The following RNF103 variants were observed in gnomAD, a reference collection of about 807,000 sequenced individuals.
RNF103 encodes ring finger protein 103.
In RNF103, 23 loss-of-function variants were observed where a neutral mutation model predicts 66.2. That is an observed-to-expected ratio of 0.35 (90% CI 0.25 to 0.49). The LOEUF (loss-of-function observed/expected upper bound fraction) is 0.49, where lower values mean the gene tolerates loss of function less well. Ranked by LOEUF, RNF103 falls within the 20% of genes least tolerant of loss-of-function variation. The pLI is 0.98. For missense variants in RNF103, 730 were observed against 814.7 expected, an observed-to-expected ratio of 0.90 and a Z score of 1.27; for synonymous variants, 297 against 289.9, an observed-to-expected ratio of 1.02 and a Z score of -0.25.
intron 2 of RNF103, chr2:86,613,737 G>A (rs1422345753): frequency 6.6e-6 from 1 of 152,072 alleles, no homozygotes; most frequent in Non-Finnish European, 1.5e-5. Context: ...AATGTCAGAG[G>A]GCAGCAGAAG....
chr2:86,617,922 T>C, intron 2 of RNF103: 1 of 883,504 alleles, frequency 1.1e-6, no homozygotes, highest in Non-Finnish European at 1.6e-6. Context: ...AGATTGTTCT[T>C]TCAGACCAGG....
intron 2 of RNF103, chr2:86,614,216 G>A (rs1403927115): frequency 3.3e-5 from 5 of 152,170 alleles, no homozygotes; most frequent in Non-Finnish European, 5.9e-5. Flanking sequence ...GCACTTAATA[G>A]GTGAAAGCTC....
chr2:86,621,557 C>T (rs1020886627), intron 1 of RNF103, among the ~76,000 whole-genome samples: 1 of 152,148 alleles, frequency 6.6e-6, no homozygotes, highest in East Asian at 1.9e-4. Flanking sequence ...AGAGTGTGTT[C>T]CTCTCCTCTA....
chr2:86,603,907 G>A lies in RNF103; in HGVS notation c.1994C>T (p.Pro665Leu), dbSNP rs1180214911. 1.2e-6 allele frequency: 2 copies of A among 1,613,780 alleles called. No individual in the cohort carries two copies. The highest frequency in any genetic ancestry group is 1.7e-6 in the Non-Finnish European group (2 of 1,179,996). The change falls in exon 4 of 4, where the codon CCT becomes CTT. Residue 665 changes from proline (P) to leucine (L), a missense_variant. By Grantham distance (98) the Pro-to-Leu change is moderately conservative. Around this residue, in one of 3 missense-constraint regions of RNF103, gnomAD observed 355 missense variants for 351.9 expected, o/e 1.01. Transcript: ENST00000237455. ...GRHCCPVCRW[P>L]SYKKKQPYAQ... ...ATATGGCTGCTTTTTTTTATAAGAA[G>A]GCCACCGGCAAACAGGGCAACAATG...
At position 86,623,158 on chromosome 2, in the gene RNF103, A is replaced by C; in HGVS notation, c.-272T>G. ...CAAAAATAAAGGGGAAAAACTCAAA[A>C]CCCCCATCCATTAAGCACAGAAAGG... On this transcript the variant is annotated 5_prime_UTR_variant, in exon 1 of 4. Coordinates refer to ENST00000237455, the MANE Select transcript of RNF103 (RefSeq NM_005667.4). 2 of 1,115,864 alleles carry C rather than the reference A, an allele frequency of 1.8e-6. No individual in the cohort carries two copies. The highest frequency in any genetic ancestry group is 2.2e-6 in the Non-Finnish European group (2 of 915,868). 69.1% of individuals were successfully genotyped at this position (1,115,864 alleles called of 1,614,324 possible). A position where few individuals can be genotyped will look rare whatever the true frequency, so the allele number is the denominator to read the frequency against.
Position 86,605,395 on chromosome 2 carries a change from ACCCAG to A in RNF103, c.501_505del (p.Trp168ProfsTer21). 6.2e-7 allele frequency: 1 copy of A among 1,610,204 alleles called. No homozygotes were observed. The highest frequency in any genetic ancestry group is 2.2e-5 in the East Asian group (1 of 44,792). On this transcript the variant is annotated frameshift_variant, in exon 4 of 4. Coordinates refer to ENST00000237455, the MANE Select transcript of RNF103 (RefSeq NM_005667.4). LOFTEE classifies it high-confidence loss of function. ...AACAGACATAATGAGTGTGGATCGG[ACCCAG>A]CCTCTTCTCCTGCAATATCTACAAG...
Position 86,609,384 on chromosome 2 carries a change from A to ATT in RNF103, c.482+2773_482+2774dup, listed in dbSNP as rs112431636. On this transcript the variant is annotated intron_variant, in intron 3 of 3. Coordinates refer to ENST00000237455, the MANE Select transcript of RNF103 (RefSeq NM_005667.4). ...CTTCATAAATTACTCAGCCTCAGGT[A>ATT]TTTTTTTTTTTTTTTTTTGAGACAG... 9.0e-3 allele frequency among the ~76,000 whole-genome samples: 1,207 copies of ATT among 134,408 alleles called. 38 individuals carry two copies. The highest frequency in any genetic ancestry group is 0.031 in the African/African-American group (1,118 of 35,596). 88.2% of individuals were successfully genotyped at this position (134,408 alleles called of 152,430 possible).
chr2:86,620,566 T>C, intron 1 of RNF103, 97 bp from the exon 2 acceptor site: 2 of 1,333,794 alleles, frequency 1.5e-6, no homozygotes, highest in Non-Finnish European at 1.9e-6. Context: ...AATCATGATA[T>C]TGTACTTTCA....
chr2:86,623,396 C>G lies in RNF103; in HGVS notation c.-510G>C. 2 of 979,624 alleles carry G rather than the reference C, an allele frequency of 2.0e-6. No individual in the cohort carries two copies. Among genetic ancestry groups the G allele is most frequent in the Non-Finnish European group, 1.2e-6 (1 of 826,628 alleles). 60.7% of individuals were successfully genotyped at this position (979,624 alleles called of 1,614,324 possible). A position where few individuals can be genotyped will look rare whatever the true frequency, so the allele number is the denominator to read the frequency against. Reference sequence around the variant, plus strand: ...CGTGGGGGCCGGACTCCCGCGGCCGCGGGTCAGGAGGGCGCGGCGCTCGGC... The same window carrying G: ...CGTGGGGGCCGGACTCCCGCGGCCGGGGGTCAGGAGGGCGCGGCGCTCGGC... On this transcript the variant is annotated 5_prime_UTR_variant, in exon 1 of 4. Transcript: ENST00000237455.
intron 2 of RNF103, among the ~76,000 whole-genome samples, chr2:86,616,160 T>C (rs1241077795): frequency 6.6e-6 from 1 of 152,218 alleles, no homozygotes; most frequent in Admixed American, 6.5e-5. Flanking sequence ...CATTTTAAAA[T>C]GCCCATTATT....
chr2:86,617,760 T>C (rs1350708282), intron 2 of RNF103: 5 of 1,019,084 alleles, frequency 4.9e-6, no homozygotes, highest in Non-Finnish European at 4.7e-6. Flanking sequence ...CTTCTGTTTC[T>C]AGTAGATATT....
intron 1 of RNF103, among the ~76,000 whole-genome samples, chr2:86,620,761 T>C (rs1258995904): frequency 1.3e-5 from 2 of 152,188 alleles, no homozygotes; most frequent in African/African-American, 4.8e-5. Flanking sequence ...TATTAGGAAC[T>C]TACCAAATTT....
rs761701601 is a variant in RNF103 at position 86,604,609 on chromosome 2, A to G, written c.1292T>C (p.Ile431Thr). The change falls in exon 4 of 4, where the codon ATT becomes ACT. Residue 431 changes from isoleucine (I) to threonine (T), a missense_variant. Coordinates refer to ENST00000237455, the MANE Select transcript of RNF103 (RefSeq NM_005667.4). ...LSTYLGHGLL[I>T]DYFEKKRRRN... ...CCTTCTCTTCTTCTCAAAGTAATCAATTAGTAAACCATGACCAAGGTATGT... is the reference window on the plus strand; with the variant it reads ...CCTTCTCTTCTTCTCAAAGTAATCAGTTAGTAAACCATGACCAAGGTATGT... The G allele has an allele frequency of 2.3e-5, 37 of 1,614,080 alleles. No homozygotes were observed. The highest frequency in any genetic ancestry group is 2.8e-5 in the Non-Finnish European group (33 of 1,180,040).
intron 2 of RNF103, chr2:86,616,850 A>AC (rs1679043601): frequency 1.3e-5 from 13 of 985,374 alleles, no homozygotes; most frequent in Non-Finnish European, 1.6e-5. Context: ...AATCCATAAA[A>AC]CCCATAAATT....
Position 86,603,935 on chromosome 2 carries a change from G to A in RNF103, c.1966C>T (p.Arg656Ter). ...CACCGGCAAACAGGGCAACAATGTC[G>A]GCCCCCAGCCAACCACATCACAATG... ...NCIVMWLAGG[R>*]HCCPVCRWPS... Residue 656 changes from arginine to a stop codon, truncating the protein, a stop_gained, in exon 4 of 4, where the codon CGA (arginine) becomes TGA (stop). Coordinates refer to ENST00000237455, the MANE Select transcript of RNF103 (RefSeq NM_005667.4). LOFTEE classifies it high-confidence loss of function. The A allele has an allele frequency of 6.2e-6, 10 of 1,613,862 alleles. No individual in the cohort carries two copies. Among genetic ancestry groups the A allele is most frequent in the Admixed American group, 1.7e-5 (1 of 59,978 alleles).
In RNF103 at chr2:86,612,169, TG is replaced by T; in HGVS notation, c.471del (p.Ser158ValfsTer42). The T allele has an allele frequency of 6.2e-7, 1 of 1,608,308 alleles. No individual in the cohort carries two copies. The highest frequency in any genetic ancestry group is 8.5e-7 in the Non-Finnish European group (1 of 1,177,364). On this transcript the variant is annotated frameshift_variant, in exon 3 of 4. Transcript: ENST00000237455. LOFTEE classifies it high-confidence loss of function. ...GCCTAATCAACTTACCTGGGATCAC[TG>T]GAACAGTTAAATGTGCCTGTACGTA... is the stretch of plus-strand genomic sequence containing the variant. ...FGIRTGTFNC[S>X]SDPRYCRRRG...
intron 2 of RNF103, chr2:86,614,593 A>T: frequency 4.9e-6 from 1 of 203,870 alleles, no homozygotes; most frequent in Non-Finnish European, 8.4e-6. Flanking sequence ...ACAGAGCAAG[A>T]CTCCATCTCA....
Position 86,622,850 on chromosome 2 carries a change from G to A in RNF103, c.37C>T (p.Leu13=). Residue 13 remains leucine, a synonymous_variant, in exon 1 of 4, where the codon CTG becomes TTG. Coordinates refer to ENST00000237455, the MANE Select transcript of RNF103 (RefSeq NM_005667.4). ...AACCTGGCCAGGACGAACAGGACCAGGAAATAGAGGAGCAAGAAAAAAAGC... is the reference window on the plus strand; with the variant it reads ...AACCTGGCCAGGACGAACAGGACCAAGAAATAGAGGAGCAAGAAAAAAAGC... ...LKLFFLLLYF[L]VLFVLARFFE... is the part of the protein sequence containing the mutation. 2 of 1,613,324 alleles carry A rather than the reference G, an allele frequency of 1.2e-6. No individual in the cohort carries two copies. The highest frequency in any genetic ancestry group is 2.7e-5 in the African/African-American group (2 of 75,038).
rs1016083305 is a variant in RNF103, at chr2:86,622,943, C to T, written c.-57G>A. The T allele has an allele frequency of 5.9e-6, 9 of 1,517,332 alleles. No individual in the cohort carries two copies. Among genetic ancestry groups the T allele is most frequent in the Non-Finnish European group, 8.0e-6 (9 of 1,130,456 alleles). 94.0% of individuals were successfully genotyped at this position (1,517,332 alleles called of 1,614,324 possible). On this transcript the variant is annotated 5_prime_UTR_variant, in exon 1 of 4. Coordinates refer to ENST00000237455, the MANE Select transcript of RNF103 (RefSeq NM_005667.4). ...CTCGGAATACGGGAGAGAGAAGGGT[C>T]GAGGGCGGGGGCCGCGGCTCGGTGG...
Sources: gnomAD v4.1 joint callset for allele counts (sites outside exome capture counted in the v4.1 genomes callset) on GRCh38, gnomAD v4.1.1 for gene constraint, gnomAD v4.1.1 regional missense constraint, MANE v1.5 for transcripts, NCBI Gene and HGNC (gene_info 2026-07-23, HGNC 2026-07-21) for gene names.